Variants in CDH23 observed in about 807,000 individuals in gnomAD.
The protein encoded by CDH23 is cadherin-23.
Under a neutral mutation model 317.1 loss-of-function variants are expected in CDH23, and 189 were observed. The observed-to-expected ratio is 0.60, with a 90% CI of 0.53 to 0.67. The LOEUF (loss-of-function observed/expected upper bound fraction) is 0.67. CDH23 is among the 30% of genes least tolerant of loss of function. The pLI is 0.00. For missense variants in CDH23, 4,401 were observed against 4,592.4 expected, an observed-to-expected ratio of 0.96 and a Z score of 1.20; for synonymous variants, 1,839 against 1,876.8, an observed-to-expected ratio of 0.98 and a Z score of 0.52.
At chr10:71,545,914 C>T (rs756133391) in intron 6 of CDH23, among the ~76,000 whole-genome samples, 29 of 152,106 alleles carry the variant, frequency 1.9e-4, no homozygotes, top group Non-Finnish European at 4.0e-4. Flanking sequence ...CAGGGAGTGA[C>T]GGGCAATGCC....
intron 62 of CDH23, 96 bp downstream of exon 62, chr10:71,810,665 C>A: frequency 8.9e-7 from 1 of 1,122,138 alleles, no homozygotes; most frequent in Non-Finnish European, 1.3e-6. Context: ...AGACACAGAC[C>A]ACACCATCAG....
chr10:71,410,325 T>A (rs1007682010), intron 1 of CDH23, among the ~76,000 whole-genome samples: 1 of 152,176 alleles, frequency 6.6e-6, no homozygotes, highest in African/African-American at 2.4e-5. Flanking sequence ...GTAACTATCA[T>A]ACCTATGAGA....
chr10:71,812,458 C>A (rs761692464), intron 66 of CDH23, 22 bp from the exon 67 acceptor site: 2 of 1,612,678 alleles, frequency 1.2e-6, no homozygotes, highest in East Asian at 2.2e-5. Flanking sequence ...CCCTCCCCAC[C>A]CTTTTCCCTC....
intron 15 of CDH23, among the ~76,000 whole-genome samples, chr10:71,675,903 C>CTA (rs574932005): frequency 8.3e-6 from 1 of 120,878 alleles, no homozygotes; most frequent in Non-Finnish European, 1.7e-5. Context: ...AGCCCTCTAA[C>CTA]TTTTTTTTTT....
intron 3 of CDH23, among the ~76,000 whole-genome samples, chr10:71,468,187 G>T (rs1255401210): frequency 2.6e-5 from 4 of 152,214 alleles, no homozygotes; most frequent in Admixed American, 2.6e-4. Flanking sequence ...AAGCCCTGGA[G>T]CTGCCAAACT....
chr10:71,773,398 C>G, intron 38 of CDH23: 1 of 1,609,828 alleles, frequency 6.2e-7, no homozygotes, highest in Non-Finnish European at 8.5e-7. Context: ...GCAGGGATCC[C>G]CAGCGCCAGC....
chr10:71,799,404 T>A, intron 51 of CDH23, 88 bp from the exon 52 acceptor site: 1 of 1,605,062 alleles, frequency 6.2e-7, no homozygotes. Flanking sequence ...ACGAGCAGCT[T>A]GATGCCTGCA....
At chr10:71,563,720 CTT>C (rs1464557317) in intron 6 of CDH23, among the ~76,000 whole-genome samples, 2 of 150,856 alleles carry the variant, frequency 1.3e-5, no homozygotes, top group East Asian at 3.9e-4. Flanking sequence ...CACCTTATCT[CTT>C]ATAATACTTT....
intron 6 of CDH23, among the ~76,000 whole-genome samples, chr10:71,564,285 C>G (rs1324181071): frequency 6.6e-6 from 1 of 152,192 alleles, no homozygotes; most frequent in Non-Finnish European, 1.5e-5. Context: ...TGATGAGCGC[C>G]CCTCCTTCCC....
intron 7 of CDH23, 126 bp downstream of exon 7, chr10:71,567,062 T>G: frequency 1.1e-6 from 1 of 892,158 alleles, no homozygotes. Flanking sequence ...ATAATTATAG[T>G]GGTGACAGTC....
chr10:71,507,246 C>A (rs926182307), intron 3 of CDH23, among the ~76,000 whole-genome samples: 1 of 152,160 alleles, frequency 6.6e-6, no homozygotes, highest in African/African-American at 2.4e-5. Context: ...CTGGAATCTG[C>A]CCAAGGCTTT....
At position 71,545,075 on chromosome 10, in the gene CDH23, G is replaced by A. The variant is rs77062795; in HGVS notation, c.430-21667G>A. ...TAAGTTACTGTCGAAGGAGGGATTC[G>A]CATCCACTAAACAGCCATTAGGCCA... On this transcript the variant is annotated intron_variant, in intron 6 of 69. Transcript: ENST00000224721. Among the ~76,000 whole-genome samples the A allele has an allele frequency of 2.5e-3, 375 of 152,304 alleles. 1 individual carries two copies. Among genetic ancestry groups the A allele is most frequent in the East Asian group, 0.016 (85 of 5,180 alleles).
rs776485285 is a variant in CDH23, at chr10:71,810,600, CCTGT to C, written c.9077+39_9077+42del. ...TCGGGGCCTGTGTTTGGACTGTCAG[CCTGT>C]CTGTCTGCCTGCCTCCCTGCCCTGG... On this transcript the variant is annotated intron_variant, in intron 62 of 69. Coordinates refer to ENST00000224721, the MANE Select transcript of CDH23 (RefSeq NM_022124.6). The C allele has an allele frequency of 5.6e-6, 9 of 1,600,592 alleles. No homozygotes were observed. In the Admixed American group the frequency reaches 8.3e-5, roughly 15 times the overall value.
At chr10:71,753,199 C>T (rs367715107) in intron 38 of CDH23, among the ~76,000 whole-genome samples, 1 of 152,328 alleles carries the variant, frequency 6.6e-6, no homozygotes, top group African/African-American at 2.4e-5. Context: ...ATGGGGCCTC[C>T]ATGAGGGGCC....
chr10:71,449,691 T>G (rs1192275279), intron 3 of CDH23, among the ~76,000 whole-genome samples: 1 of 152,228 alleles, frequency 6.6e-6, no homozygotes, highest in East Asian at 1.9e-4. Flanking sequence ...GGTCTATCTA[T>G]ATGTAGCTTC....
chr10:71,485,303 G>A (rs1314069221), intron 3 of CDH23, among the ~76,000 whole-genome samples: 1 of 152,128 alleles, frequency 6.6e-6, no homozygotes, highest in East Asian at 1.9e-4. Context: ...GGGATCACAG[G>A]AGTGAGCCAC....
intron 37 of CDH23, 106 bp from the exon 38 acceptor site, chr10:71,741,588 A>C: frequency 1.1e-6 from 1 of 902,996 alleles, no homozygotes; most frequent in East Asian, 2.7e-5. Context: ...AGATGCAGCA[A>C]AGCTTTTGGG....
intron 14 of CDH23, among the ~76,000 whole-genome samples, chr10:71,656,794 A>G (rs1863435761): frequency 6.6e-6 from 1 of 152,132 alleles, no homozygotes; most frequent in South Asian, 2.1e-4. Context: ...TGGTGGATGC[A>G]CAGAGAGCAG....
Position 71,566,800 on chromosome 10 carries a change from C to T in CDH23, c.488C>T (p.Ala163Val). 2.5e-6 allele frequency: 4 copies of T among 1,613,182 alleles called. No individual in the cohort carries two copies. Among genetic ancestry groups the T allele is most frequent in the East Asian group, 2.2e-5 (1 of 44,854 alleles). ...IVNATDPDLGAGGSVLYSFQP... is the reference protein window; with the variant it reads ...IVNATDPDLGVGGSVLYSFQP... ...AATGCCACAGACCCCGACTTGGGGG[C>T]AGGGGGCAGCGTCCTCTACTCCTTC... The change falls in exon 7 of 70, where the codon GCA becomes GTA. Residue 163 changes from alanine (A) to valine (V), a missense_variant. Ala to Val is a moderately conservative substitution (Grantham distance 64). This residue lies in a region of CDH23 where 3,068 missense variants were observed against 3,203.3 expected (regional missense o/e 0.96). Transcript: ENST00000224721.
Sources: allele counts gnomAD v4.1 joint callset (sites outside exome capture counted in the v4.1 genomes callset), GRCh38; gene constraint gnomAD v4.1.1; regional missense constraint gnomAD v4.1.1; transcripts MANE v1.5; gene names NCBI Gene and HGNC (gene_info 2026-07-23, HGNC 2026-07-21).